The following PTPRE variants were observed in gnomAD, a reference collection of about 807,000 sequenced individuals.
The protein encoded by PTPRE is protein tyrosine phosphatase receptor type E.
A neutral mutation model predicts 102.0 loss-of-function variants in PTPRE; 51 were observed. The observed-to-expected ratio is 0.50, with a 90% CI of 0.40 to 0.63. The LOEUF (loss-of-function observed/expected upper bound fraction) is 0.63. PTPRE is among the 30% of genes least tolerant of loss of function. PTPRE has a pLI of 0.00. For missense variants in PTPRE, 752 were observed against 915.1 expected (o/e 0.82, Z 2.30); for synonymous variants, 345 against 348.2 (o/e 0.99, Z 0.10).
At chr10:127,962,452 C>A (rs1849895017) in intron 1 of PTPRE, among the ~76,000 whole-genome samples, 1 of 152,212 alleles carries the variant, frequency 6.6e-6, no homozygotes, top group Non-Finnish European at 1.5e-5. Context: ...CTCTGTGCAC[C>A]CGCAGCTGCT....
chr10:127,954,010 C>T (rs934766321), intron 1 of PTPRE, among the ~76,000 whole-genome samples: 1 of 152,224 alleles, frequency 6.6e-6, no homozygotes, highest in African/African-American at 2.4e-5. Context: ...GGATAGACTG[C>T]TCTGAGCTGG....
intron 2 of PTPRE, among the ~76,000 whole-genome samples, chr10:127,992,794 A>C (rs1852813179): frequency 6.6e-6 from 1 of 152,214 alleles, no homozygotes; most frequent in South Asian, 2.1e-4. Context: ...ATCATGCAAC[A>C]AATCCAAATA....
At chr10:127,949,702 G>A (rs559699840) in intron 1 of PTPRE, among the ~76,000 whole-genome samples, 1 of 152,278 alleles carries the variant, frequency 6.6e-6, no homozygotes, top group African/African-American at 2.4e-5. Context: ...GTTTCTACAT[G>A]TGCCCTGGGT....
At chr10:128,010,547 T>TTTTCTTTTC (rs1844899237) in intron 2 of PTPRE, among the ~76,000 whole-genome samples, 1 of 127,548 alleles carries the variant, frequency 7.8e-6, no homozygotes, top group Non-Finnish European at 1.6e-5. Context: ...ACCCTGTTCC[T>TTTTCTTTTC]TTTCTTTTCT....
intron 1 of PTPRE, among the ~76,000 whole-genome samples, chr10:127,980,174 A>G (rs1851495263): frequency 6.6e-6 from 1 of 152,142 alleles, no homozygotes; most frequent in South Asian, 2.1e-4. Context: ...ATCATGCTCT[A>G]TGTAATACTG....
chr10:128,058,480 G>A (rs1849208072), intron 7 of PTPRE, among the ~76,000 whole-genome samples: 1 of 152,222 alleles, frequency 6.6e-6, no homozygotes. Context: ...CCACGCAGCT[G>A]CCCGGGACTG....
At chr10:127,948,873 G>A (rs980680664) in intron 1 of PTPRE, among the ~76,000 whole-genome samples, 1 of 152,236 alleles carries the variant, frequency 6.6e-6, no homozygotes, top group African/African-American at 2.4e-5. Flanking sequence ...TTGAGCCTGA[G>A]TGAATTAGGT....
chr10:128,041,062 T>G, intron 3 of PTPRE, 72 bp downstream of exon 3: 1 of 1,287,280 alleles, frequency 7.8e-7, no homozygotes. Flanking sequence ...CAGAGGGTGA[T>G]AAAGGGGCTT....
rs149324219 is a variant in PTPRE at position 127,944,515 on chromosome 10, G to A, written c.-31+37206G>A. Among the ~76,000 whole-genome samples, 12 of 20,152 alleles carry A rather than the reference G, an allele frequency of 6.0e-4. No homozygotes were observed. Among genetic ancestry groups the A allele is most frequent in the Non-Finnish European group, 1.1e-3 (9 of 8,492 alleles). 13.2% of individuals were successfully genotyped at this position (20,152 alleles called of 152,430 possible). On this transcript the variant is annotated intron_variant, in intron 1 of 20. Transcript: ENST00000254667. The surrounding 1 kb of genome is among the most constrained non-coding windows in gnomAD (Gnocchi z 4.2). Reference sequence around the variant, plus strand: ...GGATGGATGGATGGATGGATGGATGGGTGGATGGATGGATAAATGGATGGA... The same window carrying A: ...GGATGGATGGATGGATGGATGGATGAGTGGATGGATGGATAAATGGATGGA...
chr10:128,003,832 A>G (rs1257072303), intron 2 of PTPRE, among the ~76,000 whole-genome samples: 1 of 152,208 alleles, frequency 6.6e-6, no homozygotes, highest in African/African-American at 2.4e-5. Flanking sequence ...TAATACAGAA[A>G]GGAACAAAGT....
At chr10:127,995,544 G>A (rs867353040) in intron 2 of PTPRE, among the ~76,000 whole-genome samples, 2 of 152,142 alleles carry the variant, frequency 1.3e-5, no homozygotes, top group Admixed American at 6.5e-5. Context: ...AGACCCTGAC[G>A]GTGGGGTTTA....
intron 2 of PTPRE, among the ~76,000 whole-genome samples, chr10:128,015,468 A>T (rs932272856): frequency 2.6e-5 from 4 of 151,708 alleles, no homozygotes; most frequent in African/African-American, 9.7e-5. Flanking sequence ...CTGGGTTCAC[A>T]CCATTCTCCT....
At chr10:127,995,924 G>A (rs11016005) in intron 2 of PTPRE, among the ~76,000 whole-genome samples, 1 of 152,110 alleles carries the variant, frequency 6.6e-6, no homozygotes, top group Non-Finnish European at 1.5e-5. Context: ...GGGTGCATTA[G>A]CGTGAAATGG....
At chr10:128,014,976 C>T (rs1354894300) in intron 2 of PTPRE, among the ~76,000 whole-genome samples, 1 of 152,190 alleles carries the variant, frequency 6.6e-6, no homozygotes, top group Non-Finnish European at 1.5e-5. Flanking sequence ...GTGCATGCCA[C>T]ACCCGGTCTT....
chr10:128,077,855 G>C, intron 19 of PTPRE, 72 bp downstream of exon 19: 1 of 1,509,394 alleles, frequency 6.6e-7, no homozygotes, highest in Non-Finnish European at 8.9e-7. Context: ...CGCAGCTGTG[G>C]GCAGCAGAGC....
intron 2 of PTPRE, among the ~76,000 whole-genome samples, chr10:127,990,775 T>G (rs959594437): frequency 1.3e-5 from 2 of 152,216 alleles, no homozygotes; most frequent in Admixed American, 1.3e-4. Context: ...CGCTCATTTG[T>G]TTTTGCTCTC....
intron 3 of PTPRE, among the ~76,000 whole-genome samples, chr10:128,041,580 G>A (rs913935321): frequency 4.0e-5 from 6 of 150,310 alleles, no homozygotes; most frequent in East Asian, 2.0e-4. Context: ...CCTGGGAGGC[G>A]GAGGTTGCAG....
chr10:127,953,934 G>A (rs1317806134), intron 1 of PTPRE, among the ~76,000 whole-genome samples: 1 of 152,188 alleles, frequency 6.6e-6, no homozygotes, highest in African/African-American at 2.4e-5. Flanking sequence ...TTGGCCAGAA[G>A]GTCAGGGACT....
chr10:128,004,627 T>C (rs1377663576), intron 2 of PTPRE, among the ~76,000 whole-genome samples: 4 of 152,226 alleles, frequency 2.6e-5, no homozygotes, highest in Admixed American at 6.5e-5. Flanking sequence ...AGTTACTGTG[T>C]TTTGTTTACT....
Sources: allele counts gnomAD v4.1 joint callset (sites outside exome capture counted in the v4.1 genomes callset), GRCh38; gene constraint gnomAD v4.1.1; non-coding constraint Gnocchi (gnomAD v3.1); transcripts MANE v1.5; gene names NCBI Gene and HGNC (gene_info 2026-07-23, HGNC 2026-07-21).